SORCS3: variants seen among roughly 807,000 people sequenced by gnomAD.
SORCS3 encodes VPS10 domain-containing receptor SorCS3.
Under a neutral mutation model 146.3 loss-of-function variants are expected in SORCS3, and 57 were observed. That is an observed-to-expected ratio of 0.39 (90% CI 0.31 to 0.49). The LOEUF is 0.49. Among genes scored for constraint, SORCS3 ranks in the 20% least tolerant of loss-of-function variants. The pLI is 0.92. For synonymous variants in SORCS3, 653 were observed against 618.5 expected, an observed-to-expected ratio of 1.06 and a Z score of -0.83; for missense variants, 1,341 against 1,575.5, an observed-to-expected ratio of 0.85 and a Z score of 2.52.
intron 1 of SORCS3, among the ~76,000 whole-genome samples, chr10:104,715,731 A>T (rs2016468557): frequency 6.6e-6 from 1 of 152,190 alleles, no homozygotes; most frequent in African/African-American, 2.4e-5. Flanking sequence ...TATAAAGCAG[A>T]TAAGGACTAG....
intron 9 of SORCS3, among the ~76,000 whole-genome samples, chr10:105,153,977 G>A (rs1589658512): frequency 6.9e-6 from 1 of 145,912 alleles, no homozygotes; most frequent in African/African-American, 2.5e-5. Context: ...GGCTGAGGCA[G>A]GAGAATTGCC....
intron 1 of SORCS3, among the ~76,000 whole-genome samples, chr10:104,663,484 C>T (rs1284640229): frequency 6.6e-6 from 1 of 152,170 alleles, no homozygotes; most frequent in African/African-American, 2.4e-5. Flanking sequence ...AACTTCTCCT[C>T]CAAGGCAGGG....
intron 14 of SORCS3, among the ~76,000 whole-genome samples, chr10:105,195,383 T>A (rs2056538335): frequency 6.6e-6 from 1 of 152,210 alleles, no homozygotes. Context: ...TGTTCATCAC[T>A]CCAAAGTGAT....
At position 104,935,013 on chromosome 10, in the gene SORCS3, T is replaced by C. The variant is rs1385361172; in HGVS notation, c.795+19081T>C. Among the ~76,000 whole-genome samples, 4 of 152,182 alleles carry C rather than the reference T, an allele frequency of 2.6e-5. No individual in the cohort carries two copies. The South Asian group carries it at 8.3e-4, about 32-fold the overall frequency. Reference sequence around the variant, plus strand: ...GTTTTCTAAATGTCAGTGGGGAATGTTGGCTTGTTTGGGTACTGAGGAGGA... The same window carrying C: ...GTTTTCTAAATGTCAGTGGGGAATGCTGGCTTGTTTGGGTACTGAGGAGGA... On this transcript the variant is annotated intron_variant, in intron 3 of 26. Coordinates refer to ENST00000369701, the MANE Select transcript of SORCS3 (RefSeq NM_014978.3).
intron 2 of SORCS3, among the ~76,000 whole-genome samples, chr10:104,857,064 G>A (rs981717729): frequency 2.0e-5 from 3 of 149,358 alleles, no homozygotes; most frequent in Non-Finnish European, 4.4e-5. Context: ...AGGCTTTGGA[G>A]GGAGAGAAAA....
intron 13 of SORCS3, among the ~76,000 whole-genome samples, chr10:105,176,913 A>G (rs2056409245): frequency 6.7e-6 from 1 of 149,700 alleles, no homozygotes; most frequent in Non-Finnish European, 1.5e-5. Flanking sequence ...CATCTTATTT[A>G]CCATTATATA....
At chr10:104,983,445 T>G (rs1164572689) in intron 4 of SORCS3, among the ~76,000 whole-genome samples, 1 of 152,162 alleles carries the variant, frequency 6.6e-6, no homozygotes, top group Non-Finnish European at 1.5e-5. Flanking sequence ...TGTATATGCT[T>G]TAAGAAGGGT....
chr10:104,784,034 G>C (rs2017404748), intron 1 of SORCS3, among the ~76,000 whole-genome samples: 1 of 152,190 alleles, frequency 6.6e-6, no homozygotes, highest in Non-Finnish European at 1.5e-5. Flanking sequence ...TCTGTTTCAG[G>C]ATCTGAGGAA....
At chr10:104,813,200 C>T (rs2017758784) in intron 1 of SORCS3, among the ~76,000 whole-genome samples, 1 of 152,198 alleles carries the variant, frequency 6.6e-6, no homozygotes, top group Admixed American at 6.5e-5. Context: ...TCCCTGTGAG[C>T]ACAGTGCCTT....
At chr10:104,723,823 G>T (rs1414809223) in intron 1 of SORCS3, among the ~76,000 whole-genome samples, 1 of 151,970 alleles carries the variant, frequency 6.6e-6, no homozygotes, top group Non-Finnish European at 1.5e-5. Context: ...TTTTCCATTT[G>T]CTTGGTAGAT....
At chr10:104,961,453 A>G (rs2054795806) in intron 3 of SORCS3, among the ~76,000 whole-genome samples, 1 of 152,206 alleles carries the variant, frequency 6.6e-6, no homozygotes, top group East Asian at 1.9e-4. Context: ...AATAAGCAAA[A>G]TGACTTCAAG....
chr10:105,131,466 G>A lies in SORCS3; in HGVS notation c.1213-7931G>A, dbSNP rs145966876. Among the ~76,000 whole-genome samples the A allele has an allele frequency of 6.2e-3, 949 of 152,192 alleles. 3 individuals carry two copies. Among genetic ancestry groups the A allele is most frequent in the Middle Eastern group, 0.024 (7 of 294 alleles). On this transcript the variant is annotated intron_variant, in intron 7 of 26. Coordinates refer to ENST00000369701, the MANE Select transcript of SORCS3 (RefSeq NM_014978.3). ...TCTCGTGTAAGCCCAATTATGGTTC[G>A]TATTCACAAATTCCCATAGCAACAC...
At chr10:105,013,670 T>C (rs1249120123) in intron 4 of SORCS3, among the ~76,000 whole-genome samples, 1 of 152,052 alleles carries the variant, frequency 6.6e-6, no homozygotes, top group Non-Finnish European at 1.5e-5. Context: ...TCTTAAAAGA[T>C]ACTAAGGAAA....
intron 5 of SORCS3, among the ~76,000 whole-genome samples, chr10:105,068,468 A>G (rs2055535964): frequency 1.3e-5 from 2 of 152,130 alleles, no homozygotes; most frequent in Non-Finnish European, 2.9e-5. Context: ...TTTTGCCTGG[A>G]CCAGCTTCCT....
chr10:104,959,042 T>C (rs1402761522), intron 3 of SORCS3, among the ~76,000 whole-genome samples: 1 of 152,056 alleles, frequency 6.6e-6, no homozygotes, highest in Non-Finnish European at 1.5e-5. Context: ...AGACAAACCA[T>C]ATCACTCCCC....
Position 104,893,673 on chromosome 10 carries a change from C to T in SORCS3, c.696-22160C>T, listed in dbSNP as rs367874108. ...GAGTCTGTTTCTATGAATTAGGGCT[C>T]GTTTCCTTCCAAATGCCCAAGATGC... On this transcript the variant is annotated intron_variant, in intron 2 of 26. Coordinates refer to ENST00000369701, the MANE Select transcript of SORCS3 (RefSeq NM_014978.3). Among the ~76,000 whole-genome samples the T allele has an allele frequency of 1.8e-4, 28 of 152,204 alleles. 1 individual carries two copies. The East Asian group carries it at 3.1e-3, about 17-fold the overall frequency.
At chr10:105,002,201 G>T (rs573264707) in intron 4 of SORCS3, among the ~76,000 whole-genome samples, 1 of 152,084 alleles carries the variant, frequency 6.6e-6, no homozygotes, top group Non-Finnish European at 1.5e-5. Context: ...AAAGAGTGTC[G>T]CAGGCTGGAG....
chr10:104,907,348 G>A (rs145772638), intron 2 of SORCS3, among the ~76,000 whole-genome samples: 52 of 152,162 alleles, frequency 3.4e-4, no homozygotes, highest in Admixed American at 1.6e-3. Context: ...AGAGTTTTTG[G>A]CATTTTAAAA....
intron 4 of SORCS3, among the ~76,000 whole-genome samples, chr10:105,028,470 C>G (rs150096002): frequency 6.6e-6 from 1 of 152,078 alleles, no homozygotes; most frequent in Non-Finnish European, 1.5e-5. Flanking sequence ...ACTACCTCCC[C>G]GTGAAATGGC....
Sources: gnomAD v4.1 joint callset for allele counts (sites outside exome capture counted in the v4.1 genomes callset) on GRCh38, gnomAD v4.1.1 for gene constraint, MANE v1.5 for transcripts, NCBI Gene and HGNC (gene_info 2026-07-23, HGNC 2026-07-21) for gene names.